The following NRP1 variants were observed in gnomAD, a reference collection of about 807,000 sequenced individuals.
The protein encoded by NRP1 is neuropilin 1.
In NRP1, 35 loss-of-function variants were observed where a neutral mutation model predicts 106.7. The observed-to-expected ratio is 0.33, with a 90% CI of 0.25 to 0.43. NRP1 has a LOEUF of 0.43. Ranked by LOEUF, NRP1 falls within the 20% of genes least tolerant of loss-of-function variation. NRP1 has a pLI of 1.00. For synonymous variants in NRP1, 437 were observed against 417.9 expected (o/e 1.05, Z -0.56); for missense variants, 1,024 against 1,170.4 (o/e 0.87, Z 1.83).
At position 33,334,461 on chromosome 10, in the gene NRP1, C is replaced by G. The variant is rs1848499089; in HGVS notation, c.-79G>C. Reference sequence around the variant, plus strand: ...AATGCAGCAAAGAGGAGAATCTAAGCGATCCGAAGAGCCCCAACTCCGCCT... The same window carrying G: ...AATGCAGCAAAGAGGAGAATCTAAGGGATCCGAAGAGCCCCAACTCCGCCT... On this transcript the variant is annotated 5_prime_UTR_variant, in exon 1 of 17. Transcript: ENST00000374867. 1 of 1,304,020 alleles carries G rather than the reference C, an allele frequency of 7.7e-7. No homozygotes were observed. Among genetic ancestry groups the G allele is most frequent in the Non-Finnish European group, 1.1e-6 (1 of 935,928 alleles). The allele number at this position is 1,304,020 out of a possible 1,614,324, so 80.8% of individuals were successfully genotyped here.
At chr10:33,246,869 T>C (rs1337504000) in intron 6 of NRP1, among the ~76,000 whole-genome samples, 1 of 152,202 alleles carries the variant, frequency 6.6e-6, no homozygotes, top group Non-Finnish European at 1.5e-5. Context: ...TGGTCCTATG[T>C]ATGCTCTGGA....
intron 10 of NRP1, chr10:33,206,476 G>A (rs1338871027): frequency 8.8e-6 from 3 of 340,262 alleles, no homozygotes; most frequent in East Asian, 1.5e-4. Flanking sequence ...TTATTCAGGG[G>A]TATGGTGATT....
At chr10:33,324,448 T>C (rs1847744543) in intron 2 of NRP1, among the ~76,000 whole-genome samples, 1 of 152,172 alleles carries the variant, frequency 6.6e-6, no homozygotes, top group African/African-American at 2.4e-5. Context: ...TGCTTGCACA[T>C]AAAATCTGCA....
Position 33,275,392 on chromosome 10 carries a change from C to T in NRP1, c.249-4536G>A, listed in dbSNP as rs1460494239. On this transcript the variant is annotated intron_variant, in intron 2 of 16. Transcript: ENST00000374867. ...GACCATCCTGGCTAACATGGTAAAA[C>T]CCCGTCTCTACTAAAAATACAAAAA... Among the ~76,000 whole-genome samples, 4 of 152,044 alleles carry T rather than the reference C, an allele frequency of 2.6e-5. No individual in the cohort carries two copies. The East Asian group carries it at 5.8e-4, about 22-fold the overall frequency.
chr10:33,312,481 G>A (rs1846673674), intron 2 of NRP1, among the ~76,000 whole-genome samples: 1 of 152,224 alleles, frequency 6.6e-6, no homozygotes, highest in African/African-American at 2.4e-5. Flanking sequence ...TCAGTGCTAA[G>A]TCAAATTATG....
chr10:33,264,574 C>G (rs932344722), intron 3 of NRP1, among the ~76,000 whole-genome samples: 3 of 152,056 alleles, frequency 2.0e-5, no homozygotes, highest in Non-Finnish European at 4.4e-5. Context: ...GTATAGTACG[C>G]CATTCTAAAA....
Position 33,185,692 on chromosome 10 carries a change from G to T in NRP1, c.2367C>A (p.Asn789Lys). 6.2e-7 allele frequency: 1 copy of T among 1,614,078 alleles called. No homozygotes were observed. The highest frequency in any genetic ancestry group is 1.1e-5 in the South Asian group (1 of 91,076). Reference protein sequence around the residue: ...VIFEGEIGKGNLGGIAVDDIS... With the variant: ...VIFEGEIGKGKLGGIAVDDIS... ...TGTCATCCACAGCAATCCCACCAAGGTTTCCTTTTCCGATTTCGCCCTCGA... is the reference window on the plus strand; with the variant it reads ...TGTCATCCACAGCAATCCCACCAAGTTTTCCTTTTCCGATTTCGCCCTCGA... The change falls in exon 15 of 17, where the codon AAC becomes AAA. Residue 789 changes from asparagine to lysine, a missense_variant. Coordinates refer to ENST00000374867, the MANE Select transcript of NRP1 (RefSeq NM_003873.7).
At chr10:33,267,657 T>A (rs1021545143) in intron 3 of NRP1, among the ~76,000 whole-genome samples, 1 of 151,252 alleles carries the variant, frequency 6.6e-6, no homozygotes, top group African/African-American at 2.4e-5. Flanking sequence ...CATCTGGGCC[T>A]GAAGACCAAG....
At chr10:33,270,609 G>A in intron 3 of NRP1, 66 bp downstream of exon 3, 2 of 1,400,126 alleles carry the variant, frequency 1.4e-6, no homozygotes, top group South Asian at 3.0e-5. Flanking sequence ...TTACAGGGGT[G>A]AGCCACCACA....
chr10:33,330,680 T>G, intron 2 of NRP1, 28 bp downstream of exon 2: 1 of 1,595,872 alleles, frequency 6.3e-7, no homozygotes, highest in Non-Finnish European at 8.6e-7. Flanking sequence ...GGTGCTGTGG[T>G]GCCCTGTTCA....
At chr10:33,251,119 G>A (rs927906117) in intron 6 of NRP1, among the ~76,000 whole-genome samples, 5 of 152,128 alleles carry the variant, frequency 3.3e-5, no homozygotes, top group African/African-American at 4.8e-5. Context: ...TCATGGGGGC[G>A]GTTTTCCCCG....
chr10:33,194,749 T>C (rs201320708), intron 12 of NRP1: 3 of 528,042 alleles, frequency 5.7e-6, no homozygotes, highest in Non-Finnish European at 1.2e-5. Context: ...GGTTATGGAG[T>C]GAGAGGTTCA....
chr10:33,202,573 G>T, intron 11 of NRP1: 1 of 1,423,288 alleles, frequency 7.0e-7, no homozygotes. Context: ...TTATTGGGGG[G>T]GGGTCTGAAA....
intron 2 of NRP1, among the ~76,000 whole-genome samples, chr10:33,293,480 A>C (rs974574912): frequency 6.6e-6 from 1 of 152,202 alleles, no homozygotes; most frequent in African/African-American, 2.4e-5. Context: ...GACCGGAATT[A>C]CAGAGGAGAA....
chr10:33,208,454 C>A (rs1423447673), intron 9 of NRP1, among the ~76,000 whole-genome samples: 1 of 152,174 alleles, frequency 6.6e-6, no homozygotes, highest in Non-Finnish European at 1.5e-5. Flanking sequence ...GGCTTTGTTT[C>A]CTTTTCACAT....
intron 8 of NRP1, among the ~76,000 whole-genome samples, chr10:33,220,815 C>T (rs779371490): frequency 3.3e-4 from 47 of 144,490 alleles, no homozygotes; most frequent in Non-Finnish European, 5.8e-4. Context: ...GCAGGAGAAT[C>T]GCTGGAACCT....
chr10:33,202,408 T>C (rs1837389547), intron 11 of NRP1: 1 of 464,928 alleles, frequency 2.2e-6, no homozygotes. Flanking sequence ...TAATGTACAA[T>C]GATTTACCAA....
intron 2 of NRP1, among the ~76,000 whole-genome samples, chr10:33,314,116 T>G (rs902223659): frequency 4.0e-5 from 6 of 149,004 alleles, no homozygotes; most frequent in Non-Finnish European, 7.4e-5. Flanking sequence ...GGTAGACTGT[T>G]GCACTGTGGC....
chr10:33,180,348 C>T lies in NRP1; in HGVS notation c.2500G>A (p.Glu834Lys), dbSNP rs150351789. The T allele has an allele frequency of 1.2e-3, 1,894 of 1,599,308 alleles. 2 individuals are homozygous for T. The highest frequency in any genetic ancestry group is 1.4e-3 in the Non-Finnish European group (1,672 of 1,169,168). Residue 834 changes from glutamate to lysine, a missense_variant, in exon 17 of 17, where the codon GAA becomes AAA. This residue lies in a region of NRP1 where 164 missense variants were observed against 161.4 expected (regional missense o/e 1.02). Coordinates refer to ENST00000374867, the MANE Select transcript of NRP1 (RefSeq NM_003873.7). ...IDETGSTPGY[E>K]GEGEGDKNIS... The stretch of plus-strand genomic sequence containing the variant: ...TTCTTGTCACCTTCTCCTTCACCTT[C>T]GTATCCTGGCGTGCTCCCTATGGAA...
Sources: gnomAD v4.1 joint callset for allele counts (sites outside exome capture counted in the v4.1 genomes callset) on GRCh38, gnomAD v4.1.1 for gene constraint, gnomAD v4.1.1 regional missense constraint, MANE v1.5 for transcripts, NCBI Gene and HGNC (gene_info 2026-07-23, HGNC 2026-07-21) for gene names.